MTUS2: variants seen among roughly 807,000 people sequenced by gnomAD.
MTUS2 encodes the protein microtubule-associated tumor suppressor candidate 2.
MTUS2 carries 40 observed loss-of-function variants against 114.1 expected under a neutral mutation model. The observed-to-expected ratio is 0.35, with a 90% CI of 0.27 to 0.46. The LOEUF is 0.46. MTUS2 is among the 20% of genes least tolerant of loss of function. The pLI, the probability that MTUS2 is intolerant of heterozygous loss-of-function variation, is 1.00. For missense variants in MTUS2, 1,679 were observed against 1,705.4 expected (o/e 0.98, Z 0.27); for synonymous variants, 688 against 672.0 (o/e 1.02, Z -0.37).
chr13:29,313,880 C>T (rs1271844842), intron 6 of MTUS2, among the ~76,000 whole-genome samples: 1 of 152,042 alleles, frequency 6.6e-6, no homozygotes, highest in South Asian at 2.1e-4. Context: ...CAGTAGCAAC[C>T]CTGGAAGTTA....
chr13:29,359,503 G>A, intron 8 of MTUS2, 30 bp downstream of exon 8: 1 of 1,588,540 alleles, frequency 6.3e-7, no homozygotes, highest in Non-Finnish European at 8.6e-7. Context: ...AGGTCCAAGG[G>A]CATTTTGGTT....
intron 5 of MTUS2, among the ~76,000 whole-genome samples, chr13:29,237,458 C>G (rs1842793770): frequency 1.3e-5 from 2 of 152,132 alleles, no homozygotes; most frequent in African/African-American, 4.8e-5. Context: ...TTTCACGCTT[C>G]TCTGCTGCTT....
chr13:28,987,116 C>G (rs1884621957), intron 2 of MTUS2, among the ~76,000 whole-genome samples: 1 of 152,208 alleles, frequency 6.6e-6, no homozygotes, highest in South Asian at 2.1e-4. Context: ...GCTGGGAACT[C>G]AAAGCTGGAC....
chr13:29,389,393 GTGTA>G lies in MTUS2; in HGVS notation c.3117+29922_3117+29925del, dbSNP rs1343563103. On this transcript the variant is annotated intron_variant, in intron 8 of 15. Coordinates refer to ENST00000612955, the MANE Select transcript of MTUS2 (RefSeq NM_001033602.4). Reference sequence around the variant, plus strand: ...TGTGTGTATATATGTATACACGTGTGTGTATATATGTATACACGTGTGTGTGTAT... The same window carrying G: ...TGTGTGTATATATGTATACACGTGTGTATATGTATACACGTGTGTGTGTAT... Among the ~76,000 whole-genome samples, 4 of 79,336 alleles carry G rather than the reference GTGTA, an allele frequency of 5.0e-5. 1 individual carries two copies. Among genetic ancestry groups the G allele is most frequent in the Non-Finnish European group, 1.0e-4 (4 of 39,794 alleles). 52.0% of individuals were successfully genotyped at this position (79,336 alleles called of 152,430 possible).
At chr13:29,142,244 T>G (rs1892255046) in intron 5 of MTUS2, among the ~76,000 whole-genome samples, 1 of 152,166 alleles carries the variant, frequency 6.6e-6, no homozygotes, top group Admixed American at 6.5e-5. Flanking sequence ...TAAAGTGCAT[T>G]AGAATTACAT....
intron 9 of MTUS2, among the ~76,000 whole-genome samples, chr13:29,444,343 C>T (rs1196955572): frequency 1.3e-5 from 2 of 152,144 alleles, no homozygotes; most frequent in African/African-American, 4.8e-5. Flanking sequence ...GCAGGAGAAT[C>T]GCTTGAACCC....
chr13:28,912,123 TA>T (rs1472244866), intron 2 of MTUS2, among the ~76,000 whole-genome samples: 2 of 152,272 alleles, frequency 1.3e-5, no homozygotes, highest in East Asian at 1.9e-4. Flanking sequence ...TTCCAGGTTT[TA>T]TTTTTTTAAT....
At chr13:29,220,673 T>C (rs1242611074) in intron 5 of MTUS2, among the ~76,000 whole-genome samples, 2 of 152,158 alleles carry the variant, frequency 1.3e-5, no homozygotes, top group Non-Finnish European at 2.9e-5. Flanking sequence ...CTCAAAATAA[T>C]TGCTGCAGTA....
At chr13:29,311,041 T>A (rs1287152074) in intron 6 of MTUS2, among the ~76,000 whole-genome samples, 1 of 152,224 alleles carries the variant, frequency 6.6e-6, no homozygotes, top group African/African-American at 2.4e-5. Flanking sequence ...GGATCATTAT[T>A]TGTCAATGCA....
chr13:29,479,854 G>C (rs549778986), intron 9 of MTUS2, among the ~76,000 whole-genome samples: 2 of 152,250 alleles, frequency 1.3e-5, no homozygotes, highest in Admixed American at 1.3e-4. Flanking sequence ...ACCTGCCCTA[G>C]AGGCCTTGCA....
intron 2 of MTUS2, among the ~76,000 whole-genome samples, chr13:28,902,557 T>TA (rs984678970): frequency 4.0e-4 from 59 of 149,324 alleles, no homozygotes; most frequent in Admixed American, 1.6e-3. Context: ...TTGGATTTTG[T>TA]AAAAAAAAAA....
At chr13:28,824,369 CT>C (rs1874121187) in intron 1 of MTUS2, among the ~76,000 whole-genome samples, 1 of 152,258 alleles carries the variant, frequency 6.6e-6, no homozygotes, top group South Asian at 2.1e-4. Flanking sequence ...GGGCTCTGTC[CT>C]CTAGTCTCTG....
intron 7 of MTUS2, among the ~76,000 whole-genome samples, chr13:29,338,757 TAA>T (rs1176653197): frequency 6.6e-6 from 1 of 152,216 alleles, no homozygotes; most frequent in Non-Finnish European, 1.5e-5. Flanking sequence ...ATTTTTTTAA[TAA>T]AGACACTATT....
intron 6 of MTUS2, among the ~76,000 whole-genome samples, chr13:29,294,966 G>A (rs1157484528): frequency 6.6e-6 from 1 of 152,180 alleles, no homozygotes; most frequent in East Asian, 1.9e-4. Context: ...TCTTGGAAAT[G>A]TGCAGGGTTT....
intron 5 of MTUS2, among the ~76,000 whole-genome samples, chr13:29,268,620 G>A (rs1232151469): frequency 6.6e-6 from 1 of 151,862 alleles, no homozygotes; most frequent in East Asian, 1.9e-4. Flanking sequence ...GCCCTCCATG[G>A]TGAGGCCTTC....
intron 5 of MTUS2, among the ~76,000 whole-genome samples, chr13:29,182,832 A>G (rs1894061354): frequency 6.6e-6 from 1 of 152,242 alleles, no homozygotes; most frequent in South Asian, 2.1e-4. Context: ...ACTAACAGAT[A>G]TCTGGGAACA....
intron 4 of MTUS2, among the ~76,000 whole-genome samples, chr13:29,084,796 C>T (rs1223881535): frequency 1.5e-5 from 2 of 136,248 alleles, no homozygotes; most frequent in East Asian, 4.2e-4. Context: ...CCCCCCTCAC[C>T]GTTGGCCTTC....
At chr13:28,997,968 G>A (rs948766344) in intron 2 of MTUS2, among the ~76,000 whole-genome samples, 11 of 152,192 alleles carry the variant, frequency 7.2e-5, no homozygotes, top group Non-Finnish European at 5.9e-5. Flanking sequence ...GTTAGTTGAT[G>A]CAGTTTCTTC....
At chr13:29,219,882 T>C (rs1238133353) in intron 5 of MTUS2, among the ~76,000 whole-genome samples, 5 of 152,244 alleles carry the variant, frequency 3.3e-5, no homozygotes, top group Non-Finnish European at 7.3e-5. Flanking sequence ...GATTATGGTT[T>C]GGCTTAAGGG....
Sources: allele counts gnomAD v4.1 joint callset (sites outside exome capture counted in the v4.1 genomes callset), GRCh38; gene constraint gnomAD v4.1.1; transcripts MANE v1.5; gene names NCBI Gene and HGNC (gene_info 2026-07-23, HGNC 2026-07-21).